Variants in FOXP1 observed in about 807,000 individuals in gnomAD.
FOXP1 encodes forkhead box P1.
FOXP1 carries 15 observed loss-of-function variants against 98.2 expected under a neutral mutation model. That is an observed-to-expected ratio of 0.15 (90% CI 0.10 to 0.24). The LOEUF is 0.24. Ranked by LOEUF, FOXP1 falls within the 10% of genes least tolerant of loss-of-function variation. FOXP1 has a pLI of 1.00. For missense variants in FOXP1, 633 were observed against 848.5 expected (o/e 0.75, Z 3.15); for synonymous variants, 371 against 314.5 (o/e 1.18, Z -1.90).
rs894096400 is a variant in FOXP1 at position 71,325,658 on chromosome 3, T to G, written c.-72-25778A>C. ...GAAATCTCCTACAAATGTATTATTA[T>G]TATTATTATTATTATTATTATTATC... is the stretch of plus-strand genomic sequence containing the variant. On this transcript the variant is annotated intron_variant, in intron 4 of 20. Transcript: ENST00000649528. Among the ~76,000 whole-genome samples the G allele has an allele frequency of 6.7e-5, 10 of 149,892 alleles. No individual in the cohort carries two copies. The South Asian group carries it at 2.1e-3, about 32-fold the overall frequency.
chr3:71,150,856 C>CT (rs1270225284), intron 6 of FOXP1, among the ~76,000 whole-genome samples: 1 of 152,088 alleles, frequency 6.6e-6, no homozygotes, highest in African/African-American at 2.4e-5. Flanking sequence ...GTTACGGTCT[C>CT]TTTTTTCCTC....
chr3:71,348,964 T>C (rs1030358728), intron 4 of FOXP1, among the ~76,000 whole-genome samples: 4 of 152,210 alleles, frequency 2.6e-5, no homozygotes, highest in African/African-American at 9.7e-5. Context: ...TAACCATCAA[T>C]GCCTTCAGCT....
chr3:71,373,123 T>A (rs1176880544), intron 3 of FOXP1, among the ~76,000 whole-genome samples: 2 of 152,206 alleles, frequency 1.3e-5, no homozygotes, highest in Non-Finnish European at 2.9e-5. Context: ...TAACCACAGT[T>A]CGTAATTTTG....
rs1485238892 is a variant in FOXP1, at chr3:70,997,611, C to T, written c.1062+3361G>A. ...ATGGATATAACCTGCTTTGGCTTGG[C>T]CCCTTTCTAGCACTGAAACTCTCTT... On this transcript the variant is annotated intron_variant, in intron 13 of 20. Coordinates refer to ENST00000649528, the MANE Select transcript of FOXP1 (RefSeq NM_001349338.3). Among the ~76,000 whole-genome samples the T allele has an allele frequency of 2.6e-5, 4 of 152,148 alleles. No individual in the cohort carries two copies. In the South Asian group the frequency reaches 6.2e-4, roughly 24 times the overall value.
intron 5 of FOXP1, chr3:71,276,188 C>T (rs1186911875): frequency 6.6e-6 from 1 of 152,182 alleles, no homozygotes; most frequent in East Asian, 1.9e-4. Context: ...TTCTCATGTT[C>T]TCCCTTTTCT....
chr3:71,414,564 G>T (rs539327586), intron 3 of FOXP1, among the ~76,000 whole-genome samples: 135 of 152,372 alleles, frequency 8.9e-4, no homozygotes, highest in Non-Finnish European at 1.7e-3. Flanking sequence ...ATTATTAAAA[G>T]AAGGGAACAA....
chr3:71,408,581 A>G (rs1020873864), intron 3 of FOXP1, among the ~76,000 whole-genome samples: 2 of 152,352 alleles, frequency 1.3e-5, no homozygotes, highest in Middle Eastern at 3.4e-3. Flanking sequence ...AAATTTTAGG[A>G]ACAGAGCATC....
Position 70,970,715 on chromosome 3 carries a change from C to T in FOXP1, c.1722+21G>A, listed in dbSNP as rs199550721. On this transcript the variant is annotated intron_variant, in intron 19 of 20. Coordinates refer to ENST00000649528, the MANE Select transcript of FOXP1 (RefSeq NM_001349338.3). ...GAGACCTGTGCCTCTGCTGCATATT[C>T]GGGACGGCCGTTAATCTTACCTGTA... The T allele has an allele frequency of 3.5e-4, 556 of 1,596,858 alleles. 4 individuals carry two copies. Among genetic ancestry groups the T allele is most frequent in the Middle Eastern group, 2.0e-3 (12 of 6,018 alleles).
rs2032609219 is a variant in FOXP1, at chr3:70,959,283, A to G, written c.1998T>C (p.Asp666=). 8.7e-6 allele frequency: 14 copies of G among 1,613,574 alleles called. No individual in the cohort carries two copies. The highest frequency in any genetic ancestry group is 1.2e-5 in the Non-Finnish European group (14 of 1,179,952). Residue 666 remains aspartate (D), a synonymous_variant, in exon 21 of 21, where the codon GAT becomes GAC. Coordinates refer to ENST00000649528, the MANE Select transcript of FOXP1 (RefSeq NM_001349338.3). ...CCTCGTTTACTGGTTCATCTTCGTA[A>G]TCTCTGTCATGGTCAAAATCTGGAC... ...NHSPDFDHDR[D]YEDEPVNEDM...
chr3:71,097,324 C>T (rs1477172576), intron 7 of FOXP1, among the ~76,000 whole-genome samples: 2 of 152,080 alleles, frequency 1.3e-5, no homozygotes, highest in Non-Finnish European at 2.9e-5. Context: ...GGAATACAGC[C>T]ATGCTCATTC....
chr3:71,570,433 G>C (rs1578224244), intron 2 of FOXP1: 2 of 152,344 alleles, frequency 1.3e-5, no homozygotes, highest in African/African-American at 4.8e-5. Context: ...TCAAGTTCAA[G>C]GGAAGTGTTC....
At position 71,130,553 on chromosome 3, in the gene FOXP1, G is replaced by A. The variant is rs1257120372; in HGVS notation, c.181-17916C>T. On this transcript the variant is annotated intron_variant, in intron 6 of 20. Coordinates refer to ENST00000649528, the MANE Select transcript of FOXP1 (RefSeq NM_001349338.3). ...CCGTACTGTCTGCCTTTGGATTTCC[G>A]TCTTCTTGCTGTAGATGGGTTCTGG... 9.4e-6 allele frequency: 15 copies of A among 1,598,286 alleles called. No homozygotes were observed. The highest frequency in any genetic ancestry group is 1.2e-5 in the Non-Finnish European group (14 of 1,179,812).
At chr3:71,448,071 C>T (rs182078276) in intron 3 of FOXP1, among the ~76,000 whole-genome samples, 35 of 152,274 alleles carry the variant, frequency 2.3e-4, no homozygotes, top group Admixed American at 5.2e-4. Flanking sequence ...TGCCTCTAAA[C>T]AACGCTTCCC....
chr3:71,104,522 C>T (rs999511929), intron 7 of FOXP1, among the ~76,000 whole-genome samples: 2 of 152,150 alleles, frequency 1.3e-5, no homozygotes, highest in African/African-American at 4.8e-5. Context: ...ACACTTAGTC[C>T]TGGGGACTTT....
intron 5 of FOXP1, among the ~76,000 whole-genome samples, chr3:71,287,939 G>A (rs549665440): frequency 9.2e-5 from 14 of 151,938 alleles, no homozygotes; most frequent in South Asian, 4.1e-4. Flanking sequence ...GGAGTGCAAT[G>A]GCACGATCTT....
intron 2 of FOXP1, among the ~76,000 whole-genome samples, chr3:71,540,001 T>C (rs569571296): frequency 6.6e-6 from 1 of 152,334 alleles, no homozygotes; most frequent in Admixed American, 6.5e-5. Flanking sequence ...TGAACAAAGT[T>C]TATCAGTAGC....
intron 3 of FOXP1, among the ~76,000 whole-genome samples, chr3:71,391,697 C>T (rs1299203375): frequency 2.6e-5 from 4 of 152,216 alleles, no homozygotes; most frequent in Admixed American, 1.3e-4. Flanking sequence ...CAGCATTGGG[C>T]AGCTGATGAA....
At chr3:71,313,401 T>A (rs888193860) in intron 4 of FOXP1, among the ~76,000 whole-genome samples, 1 of 152,068 alleles carries the variant, frequency 6.6e-6, no homozygotes, top group African/African-American at 2.4e-5. Flanking sequence ...TGCAAGTGAT[T>A]GTTATCTACC....
intron 11 of FOXP1, among the ~76,000 whole-genome samples, chr3:71,023,495 G>A (rs979108976): frequency 2.0e-5 from 3 of 152,154 alleles, no homozygotes; most frequent in Admixed American, 6.5e-5. Flanking sequence ...ACGCTACAAT[G>A]GCAGGCATCG....
Sources: allele counts gnomAD v4.1 joint callset (sites outside exome capture counted in the v4.1 genomes callset), GRCh38; gene constraint gnomAD v4.1.1; transcripts MANE v1.5; gene names NCBI Gene and HGNC (gene_info 2026-07-23, HGNC 2026-07-21).